Variants in XKR6 observed in about 807,000 individuals in gnomAD.
XKR6 encodes XK related 6.
Under a neutral mutation model 56.7 loss-of-function variants are expected in XKR6, and 22 were observed. The ratio of observed to expected loss-of-function variants is 0.39; its 90% confidence interval spans 0.28 to 0.55. XKR6 has a LOEUF of 0.55. Among genes scored for constraint, XKR6 ranks in the 20% least tolerant of loss-of-function variants. The pLI is 0.66. For missense variants in XKR6, 852 were observed against 889.0 expected (o/e 0.96, Z 0.53); for synonymous variants, 524 against 387.8 (o/e 1.35, Z -4.13).
intron 1 of XKR6, among the ~76,000 whole-genome samples, chr8:11,169,190 C>A (rs1802240519): frequency 6.6e-6 from 1 of 152,010 alleles, no homozygotes; most frequent in East Asian, 2.0e-4. Flanking sequence ...CTTCCAGGCA[C>A]CCTCTCTGAG....
intron 1 of XKR6, among the ~76,000 whole-genome samples, chr8:11,150,797 G>A (rs73530513): frequency 0.028 from 3,769 of 134,930 alleles, 67 homozygotes; most frequent in African/African-American, 0.056. Flanking sequence ...AAGTCACAGT[G>A]AACCAAGATC....
At chr8:11,159,357 C>T (rs577213536) in intron 1 of XKR6, among the ~76,000 whole-genome samples, 3 of 152,320 alleles carry the variant, frequency 2.0e-5, no homozygotes, top group Middle Eastern at 3.4e-3. Context: ...ATAGTCTATA[C>T]AACCCCCAAG....
intron 1 of XKR6, among the ~76,000 whole-genome samples, chr8:11,047,734 T>C (rs948022960): frequency 4.6e-5 from 7 of 152,226 alleles, no homozygotes; most frequent in African/African-American, 1.4e-4. Flanking sequence ...GTGTACTTAA[T>C]GCCACCAAAC....
At chr8:11,186,713 C>A (rs190197951) in intron 1 of XKR6, among the ~76,000 whole-genome samples, 10 of 152,292 alleles carry the variant, frequency 6.6e-5, no homozygotes, top group Admixed American at 5.2e-4. Flanking sequence ...GTTATACTTT[C>A]TCTATACTTT....
intron 1 of XKR6, among the ~76,000 whole-genome samples, chr8:10,974,380 G>A (rs149862387): frequency 2.0e-5 from 3 of 152,312 alleles, no homozygotes; most frequent in East Asian, 1.9e-4. Flanking sequence ...TCTCTCCTGA[G>A]TTTCCTTCCA....
At chr8:11,118,298 G>A (rs1186136893) in intron 1 of XKR6, among the ~76,000 whole-genome samples, 12 of 152,282 alleles carry the variant, frequency 7.9e-5, no homozygotes, top group Admixed American at 2.6e-4. Context: ...GCCAGGCTTT[G>A]GTATCTGGAT....
intron 1 of XKR6, among the ~76,000 whole-genome samples, chr8:10,992,418 C>T (rs1433892674): frequency 6.6e-6 from 1 of 152,092 alleles, no homozygotes; most frequent in East Asian, 1.9e-4. Flanking sequence ...CTAACTGGTC[C>T]CTAATTCCCT....
At chr8:11,071,626 G>A (rs963750125) in intron 1 of XKR6, among the ~76,000 whole-genome samples, 4 of 148,700 alleles carry the variant, frequency 2.7e-5, no homozygotes, top group South Asian at 4.4e-4. Flanking sequence ...CATGGGCCCC[G>A]AGTCCATGAG....
At chr8:10,904,944 G>A (rs959063052) in intron 2 of XKR6, among the ~76,000 whole-genome samples, 77 of 152,202 alleles carry the variant, frequency 5.1e-4, no homozygotes, top group African/African-American at 1.8e-3. Context: ...GCTAAGTCAT[G>A]TGTCGGAAAC....
intron 2 of XKR6, among the ~76,000 whole-genome samples, chr8:10,911,546 T>C (rs1469459395): frequency 6.8e-6 from 1 of 147,230 alleles, no homozygotes; most frequent in South Asian, 2.1e-4. Flanking sequence ...TGAATATATA[T>C]ATATAGAGAG....
intron 1 of XKR6, among the ~76,000 whole-genome samples, chr8:11,139,749 G>A (rs1357646278): frequency 1.3e-5 from 2 of 152,192 alleles, no homozygotes; most frequent in Non-Finnish European, 2.9e-5. Flanking sequence ...TAACAGGGCA[G>A]TGTATCTCCC....
intron 2 of XKR6, among the ~76,000 whole-genome samples, chr8:10,900,799 CT>C (rs1800013506): frequency 6.6e-6 from 1 of 150,526 alleles, no homozygotes; most frequent in African/African-American, 2.4e-5. Flanking sequence ...GAGAACTCCC[CT>C]TAGGAGTAAT....
At chr8:11,191,956 G>C (rs1345133491) in intron 1 of XKR6, among the ~76,000 whole-genome samples, 2 of 152,176 alleles carry the variant, frequency 1.3e-5, no homozygotes, top group African/African-American at 2.4e-5. Flanking sequence ...TTTCATATTT[G>C]AGGTGAAGTA....
chr8:10,965,955 G>A (rs889135406), intron 1 of XKR6, among the ~76,000 whole-genome samples: 28 of 152,176 alleles, frequency 1.8e-4, no homozygotes, highest in African/African-American at 6.0e-4. Context: ...TTCCTCAAGG[G>A]CATCAAATTC....
At chr8:10,946,039 G>C (rs55658337) in intron 1 of XKR6, among the ~76,000 whole-genome samples, 1 of 151,974 alleles carries the variant, frequency 6.6e-6, no homozygotes, top group Non-Finnish European at 1.5e-5. Context: ...GTGCTTTTCA[G>C]CGTGGAGTTG....
intron 1 of XKR6, among the ~76,000 whole-genome samples, chr8:10,983,311 A>G (rs1280683298): frequency 2.0e-5 from 3 of 152,182 alleles, no homozygotes; most frequent in African/African-American, 7.2e-5. Context: ...GGACAAACAT[A>G]CAAATTAAGA....
chr8:11,198,484 C>G (rs1804013097), intron 1 of XKR6, among the ~76,000 whole-genome samples: 1 of 150,392 alleles, frequency 6.6e-6, no homozygotes, highest in African/African-American at 2.5e-5. Flanking sequence ...GTCACAGGCA[C>G]TTTATATCAA....
intron 1 of XKR6, among the ~76,000 whole-genome samples, chr8:11,104,226 A>G (rs759869289): frequency 1.3e-5 from 2 of 152,226 alleles, no homozygotes; most frequent in African/African-American, 2.4e-5. Flanking sequence ...CTGGGAAATA[A>G]AAGGACACAC....
intron 1 of XKR6, among the ~76,000 whole-genome samples, chr8:11,094,656 T>C (rs1489221335): frequency 2.0e-5 from 3 of 152,102 alleles, no homozygotes; most frequent in Admixed American, 6.5e-5. Flanking sequence ...CCGACATCGA[T>C]GGAGTGGTTA....
Sources: gnomAD v4.1 joint callset for allele counts (sites outside exome capture counted in the v4.1 genomes callset) on GRCh38, gnomAD v4.1.1 for gene constraint, MANE v1.5 for transcripts, NCBI Gene and HGNC (gene_info 2026-07-23, HGNC 2026-07-21) for gene names.